The following ACAP2 variants were observed in gnomAD, a reference collection of about 807,000 sequenced individuals.
ACAP2 encodes ArfGAP with coiled-coil, ankyrin repeat and PH domains 2, also known as arf-GAP with coiled-coil, ANK repeat and PH domain-containing protein 2.
Under a neutral mutation model 115.8 loss-of-function variants are expected in ACAP2, and 39 were observed. The ratio of observed to expected loss-of-function variants is 0.34; its 90% CI spans 0.26 to 0.44. The LOEUF (loss-of-function observed/expected upper bound fraction) is 0.44, where lower values mean the gene tolerates loss of function less well. Among genes scored for constraint, ACAP2 ranks in the 20% least tolerant of loss-of-function variants. The pLI, the probability that ACAP2 is intolerant of heterozygous loss-of-function variation, is 1.00. For synonymous variants in ACAP2, 289 were observed against 315.8 expected, an observed-to-expected ratio of 0.92 and a Z score of 0.90; for missense variants, 662 against 927.6, an observed-to-expected ratio of 0.71 and a Z score of 3.72.
intron 10 of ACAP2, among the ~76,000 whole-genome samples, chr3:195,312,501 C>G (rs1728834656): frequency 6.6e-6 from 1 of 152,066 alleles, no homozygotes; most frequent in Non-Finnish European, 1.5e-5. Flanking sequence ...GGGCCTCACT[C>G]TGTCACTCAG....
Position 195,302,154 on chromosome 3 carries a change from AGAT to A in ACAP2, c.1134_1136del (p.Ser379del), listed in dbSNP as rs1728102572. On this transcript the variant is annotated inframe_deletion, in exon 14 of 23. Transcript: ENST00000326793. ...CAGAATCTAGGCTTCCTGTGGATGG[AGAT>A]GATTTCTTATCCAGCTTCTAAAAGA... The A allele has an allele frequency of 6.2e-7, 1 of 1,612,922 alleles. No homozygotes were observed. Among genetic ancestry groups the A allele is most frequent in the African/African-American group, 1.3e-5 (1 of 74,868 alleles).
rs1727602094 is a variant in ACAP2, at chr3:195,295,713, C to T, written c.1667G>A (p.Ser556Asn). Reference protein sequence around the residue: ...PGDQVRASAQSSVRSNDSGIQ... With the variant: ...PGDQVRASAQNSVRSNDSGIQ... ...AGTAAGAAAGTTTGCCATACCTGAACTTTGGGCAGATGCTCTGACTTGGTC... is the reference window on the plus strand; with the variant it reads ...AGTAAGAAAGTTTGCCATACCTGAATTTTGGGCAGATGCTCTGACTTGGTC... The change falls in exon 17 of 23, where the codon AGT (serine) becomes AAT (asparagine). Residue 556 changes from serine to asparagine, a missense_variant. By Grantham distance (46) the Ser-to-Asn change is conservative. Transcript: ENST00000326793. The T allele has an allele frequency of 2.5e-6, 4 of 1,614,050 alleles. No homozygotes were observed. The highest frequency in any genetic ancestry group is 2.2e-5 in the South Asian group (2 of 91,086).
Position 195,279,226 on chromosome 3 carries a change from T to C in ACAP2, c.*102A>G, listed in dbSNP as rs775424292. The C allele has an allele frequency of 1.7e-5, 12 of 714,704 alleles. No homozygotes were observed. The highest frequency in any genetic ancestry group is 2.8e-5 in the Non-Finnish European group (12 of 433,336). The allele number at this position is 714,704 out of a possible 1,614,324, so 44.3% of individuals were successfully genotyped here. On this transcript the variant is annotated 3_prime_UTR_variant, in exon 23 of 23. Transcript: ENST00000326793. ...CCTCTTTTCCAAGCCATTCAATATCTACCAAAATTAAGTAGAATTAAAGCA... is the reference window on the plus strand; with the variant it reads ...CCTCTTTTCCAAGCCATTCAATATCCACCAAAATTAAGTAGAATTAAAGCA...
chr3:195,325,331 T>C lies in ACAP2; in HGVS notation c.744+1554A>G, dbSNP rs1461196974. The stretch of plus-strand genomic sequence containing the variant: ...CACATGAATGTTCAAAGCACCACTG[T>C]TTCTCCAATTGATCAATTTAAATTT... On this transcript the variant is annotated intron_variant, in intron 9 of 22. Coordinates refer to ENST00000326793, the MANE Select transcript of ACAP2 (RefSeq NM_012287.6). 7.2e-6 allele frequency: 3 copies of C among 417,150 alleles called. 1 individual carries two copies. The highest frequency in any genetic ancestry group is 1.4e-5 in the Non-Finnish European group (3 of 215,756). 25.8% of individuals were successfully genotyped at this position (417,150 alleles called of 1,614,324 possible).
rs569677516 is a variant in ACAP2 at position 195,402,171 on chromosome 3, A to AAAT, written c.54-10025_54-10024insATT. On this transcript the variant is annotated intron_variant, in intron 1 of 22. Coordinates refer to ENST00000326793, the MANE Select transcript of ACAP2 (RefSeq NM_012287.6). ...CACTATGATTCATTTAGCTATCTCT[A>AAAT]GTTCAGCTAGTTACCAGGTAAACAT... 7.5e-4 allele frequency among the ~76,000 whole-genome samples: 114 copies of AAAT among 152,296 alleles called. 2 individuals carry two copies. The South Asian group carries it at 0.023, about 31-fold the overall frequency.
chr3:195,395,602 C>T (rs989227163), intron 1 of ACAP2, among the ~76,000 whole-genome samples: 2 of 152,176 alleles, frequency 1.3e-5, no homozygotes, highest in African/African-American at 4.8e-5. Context: ...AATTCACTTC[C>T]GTAGTCTCTA....
intron 7 of ACAP2, 46 bp downstream of exon 7, chr3:195,336,882 TTTAG>T: frequency 7.0e-7 from 1 of 1,426,114 alleles, no homozygotes; most frequent in Non-Finnish European, 9.8e-7. Flanking sequence ...AATACGTACA[TTTAG>T]TTTCATATTA....
chr3:195,331,504 G>T (rs145328341), intron 8 of ACAP2, among the ~76,000 whole-genome samples: 3,467 of 151,498 alleles, frequency 0.023, 132 homozygotes, highest in African/African-American at 0.079. Flanking sequence ...GTAGAGACGG[G>T]GTTTCACCAT....
chr3:195,379,842 A>G (rs948676821), intron 4 of ACAP2, among the ~76,000 whole-genome samples: 4 of 152,178 alleles, frequency 2.6e-5, no homozygotes, highest in Non-Finnish European at 5.9e-5. Flanking sequence ...CAATGGTAAC[A>G]ATGACAGAAG....
At chr3:195,300,069 C>T (rs1423195915) in intron 15 of ACAP2, among the ~76,000 whole-genome samples, 1 of 126,408 alleles carries the variant, frequency 7.9e-6, no homozygotes, top group African/African-American at 3.1e-5. Context: ...TTTTTTGAGA[C>T]ACAGTCTTCC....
chr3:195,285,611 C>T (rs1726793941), intron 22 of ACAP2, 185 bp downstream of exon 22: 2 of 534,682 alleles, frequency 3.7e-6, no homozygotes, highest in Non-Finnish European at 6.5e-6. Context: ...CCGGGATTAG[C>T]CACCCAAGGA....
At chr3:195,346,956 TAGG>T (rs1327057445) in intron 4 of ACAP2, among the ~76,000 whole-genome samples, 1 of 152,006 alleles carries the variant, frequency 6.6e-6, no homozygotes, top group Non-Finnish European at 1.5e-5. Context: ...TTTCCACTGA[TAGG>T]AGGAGGATGG....
Position 195,291,755 on chromosome 3 carries a change from C to T in ACAP2, c.2014G>A (p.Val672Ile), listed in dbSNP as rs1308798437. 1.2e-6 allele frequency: 2 copies of T among 1,613,994 alleles called. No homozygotes were observed. Among genetic ancestry groups the T allele is most frequent in the Admixed American group, 1.7e-5 (1 of 59,990 alleles). ...TGGTGCAATGGTCCCCGCCCTTGGA[C>T]ATCTCTTTGGTTGACATTAGCACCA... ...QNGANVNQRDVQGRGPLHHAT... is the reference protein window; with the variant it reads ...QNGANVNQRDIQGRGPLHHAT... Residue 672 changes from valine (V) to isoleucine (I), a missense_variant, in exon 20 of 23, where the codon GTC becomes ATC. By Grantham distance (29) the Val-to-Ile change is conservative. Coordinates refer to ENST00000326793, the MANE Select transcript of ACAP2 (RefSeq NM_012287.6).
chr3:195,391,251 T>TG (rs1479622872), intron 2 of ACAP2, among the ~76,000 whole-genome samples: 1 of 140,952 alleles, frequency 7.1e-6, no homozygotes, highest in African/African-American at 2.7e-5. Flanking sequence ...TTTTTTGAGA[T>TG]GGAGTTTCAC....
At chr3:195,355,800 G>A (rs887541874) in intron 4 of ACAP2, among the ~76,000 whole-genome samples, 10 of 152,182 alleles carry the variant, frequency 6.6e-5, no homozygotes, top group Non-Finnish European at 1.5e-4. Context: ...CCCATTTCCA[G>A]TTCTTACAAG....
At chr3:195,432,994 G>A (rs1715253807) in intron 1 of ACAP2, among the ~76,000 whole-genome samples, 1 of 152,100 alleles carries the variant, frequency 6.6e-6, no homozygotes, top group Admixed American at 6.5e-5. Context: ...CATCCTAGCT[G>A]AACTTACTAG....
At chr3:195,355,801 T>G (rs1731925457) in intron 4 of ACAP2, among the ~76,000 whole-genome samples, 1 of 152,242 alleles carries the variant, frequency 6.6e-6, no homozygotes, top group African/African-American at 2.4e-5. Flanking sequence ...CCATTTCCAG[T>G]TCTTACAAGT....
chr3:195,324,987 CA>C (rs925205668), intron 9 of ACAP2, among the ~76,000 whole-genome samples: 31 of 152,130 alleles, frequency 2.0e-4, no homozygotes, highest in African/African-American at 7.5e-4. Flanking sequence ...AGACGTTTTA[CA>C]AATAAGATAT....
At position 195,435,925 on chromosome 3, in the gene ACAP2, C is replaced by T. The variant is rs139741721; in HGVS notation, c.53+6870G>A. ...TTATTAATCATCTGCCTGGTTGTTC[C>T]ACCCATTATTGGAAGTATTTATATC... is the stretch of plus-strand genomic sequence containing the variant. On this transcript the variant is annotated intron_variant, in intron 1 of 22. Coordinates refer to ENST00000326793, the MANE Select transcript of ACAP2 (RefSeq NM_012287.6). Among the ~76,000 whole-genome samples, 909 of 152,054 alleles carry T rather than the reference C, an allele frequency of 6.0e-3. 9 individuals are homozygous for T. The highest frequency in any genetic ancestry group is 0.021 in the African/African-American group (867 of 41,466).
Sources: allele counts gnomAD v4.1 joint callset (sites outside exome capture counted in the v4.1 genomes callset), GRCh38; gene constraint gnomAD v4.1.1; transcripts MANE v1.5; gene names NCBI Gene and HGNC (gene_info 2026-07-23, HGNC 2026-07-21).